The following RGP1 variants were observed in gnomAD, a reference collection of about 807,000 sequenced individuals.
RGP1 encodes the protein RAB6A-GEF complex partner protein 2.
RGP1 carries 28 observed loss-of-function variants against 44.5 expected under a neutral mutation model. The observed-to-expected ratio is 0.63, with a 90% CI of 0.47 to 0.86. RGP1 has a LOEUF of 0.86. RGP1 is among the 40% of genes least tolerant of loss of function. RGP1 has a pLI of 0.00. For synonymous variants in RGP1, 212 were observed against 196.7 expected, an observed-to-expected ratio of 1.08 and a Z score of -0.65; for missense variants, 417 against 490.7, an observed-to-expected ratio of 0.85 and a Z score of 1.42.
rs1442797166 is a variant in RGP1 at position 35,757,874 on chromosome 9, ACT to A, written c.*5003_*5004del. 20 of 152,248 alleles carry A rather than the reference ACT, an allele frequency of 1.3e-4. No individual in the cohort carries two copies. The highest frequency in any genetic ancestry group is 1.0e-3 in the Admixed American group (16 of 15,294). 9.4% of individuals were successfully genotyped at this position (152,248 alleles called of 1,614,324 possible). ...TTTTATAGTCATTTAAAATTGTATG[ACT>A]CTGTCAAATGATTTAAGTAATTTTG... On this transcript the variant is annotated 3_prime_UTR_variant, in exon 9 of 9. Transcript: ENST00000378078.
At chr9:35,777,444 G>A in the RGP1 span, among the ~76,000 whole-genome samples, 1 of 84,762 alleles carries the variant, frequency 1.2e-5, no homozygotes, top group Admixed American at 1.1e-4. Flanking sequence ...CATGTTTTGT[G>A]GTTTTTTTTT....
At position 35,750,945 on chromosome 9, in the gene RGP1, C is replaced by G. The variant is rs1006737256; in HGVS notation, c.443C>G (p.Pro148Arg). ...LTIGCQRVNS[P>R]ITLLRVPLRV... ...ATTGGCTGCCAGCGTGTCAACTCCC[C>G]TATCACTTTACTCAGAGTCCCTCTG... is the stretch of plus-strand genomic sequence containing the variant. Residue 148 changes from proline to arginine, a missense_variant, in exon 5 of 9, where the codon CCT becomes CGT. Transcript: ENST00000378078. 6.2e-7 allele frequency: 1 copy of G among 1,614,066 alleles called. No homozygotes were observed. The highest frequency in any genetic ancestry group is 8.5e-7 in the Non-Finnish European group (1 of 1,179,910).
At position 35,754,288 on chromosome 9, in the gene RGP1, G is replaced by T; in HGVS notation, c.*1414G>T. ...ATCTCCCTGCCCTCTGCTCTCACAG[G>T]CTGGGGATGTTTATAAAGTGAGGAC... On this transcript the variant is annotated 3_prime_UTR_variant, in exon 9 of 9. Transcript: ENST00000378078. 6 of 907,636 alleles carry T rather than the reference G, an allele frequency of 6.6e-6. No individual in the cohort carries two copies. The highest frequency in any genetic ancestry group is 9.5e-6 in the Non-Finnish European group (6 of 632,006). The allele number at this position is 907,636 out of a possible 1,614,324, so 56.2% of individuals were successfully genotyped here.
In RGP1 at chr9:35,751,004, C is replaced by G; in HGVS notation, c.487+15C>G. Reference sequence around the variant, plus strand: ...TGTGCTGACTGGTAAGCAAGGGCTCCTGGAGGGAAGGGCTGGGGAAGGGCG... The same window carrying G: ...TGTGCTGACTGGTAAGCAAGGGCTCGTGGAGGGAAGGGCTGGGGAAGGGCG... On this transcript the variant is annotated intron_variant, in intron 5 of 8. Transcript: ENST00000378078. The G allele has an allele frequency of 6.2e-7, 1 of 1,612,896 alleles. No homozygotes were observed. The highest frequency in any genetic ancestry group is 8.5e-7 in the Non-Finnish European group (1 of 1,179,702).
chr9:35,753,647 T>G lies in RGP1; in HGVS notation c.*773T>G, dbSNP rs770579176. On this transcript the variant is annotated 3_prime_UTR_variant, in exon 9 of 9. Coordinates refer to ENST00000378078, the MANE Select transcript of RGP1 (RefSeq NM_001080496.3). This position sits in a 1 kb window ranked among gnomAD's most constrained non-coding sequence, Gnocchi z 4.2. Reference sequence around the variant, plus strand: ...ATCAGAGTCATTCTCTCTGGCCATCTTTGGTCACTCACGTGTCACAGCAGC... The same window carrying G: ...ATCAGAGTCATTCTCTCTGGCCATCGTTGGTCACTCACGTGTCACAGCAGC... 1 of 1,606,074 alleles carries G rather than the reference T, an allele frequency of 6.2e-7. No homozygotes were observed. The highest frequency in any genetic ancestry group is 1.1e-5 in the South Asian group (1 of 90,778).
chr9:35,756,447 T>A lies in RGP1; in HGVS notation c.*3573T>A, dbSNP rs41277069. On this transcript the variant is annotated 3_prime_UTR_variant, in exon 9 of 9. Coordinates refer to ENST00000378078, the MANE Select transcript of RGP1 (RefSeq NM_001080496.3). ...AGAATGGACCTCACGTTCGCCCTAG[T>A]CAGGACTGATACCCTTTCCGTTTCA... is the stretch of plus-strand genomic sequence containing the variant. 0.029 allele frequency: 4,454 copies of A among 152,470 alleles called. 108 individuals are homozygous for A. Among genetic ancestry groups the A allele is most frequent in the Non-Finnish European group, 0.047 (3,215 of 68,148 alleles). 9.4% of individuals were successfully genotyped at this position (152,470 alleles called of 1,614,324 possible). A position where few individuals can be genotyped will look rare whatever the true frequency, so the allele number is the denominator to read the frequency against.
chr9:35,764,234 A>C, the RGP1 span, among the ~76,000 whole-genome samples: 3 of 152,228 alleles, frequency 2.0e-5, no homozygotes, highest in Non-Finnish European at 4.4e-5. Context: ...TTCAATTCTT[A>C]GCACTTGGTC....
At position 35,753,371 on chromosome 9, in the gene RGP1, C is replaced by G. The variant is rs976807271; in HGVS notation, c.*497C>G. ...GTTCCCTCTCTCACAGTTTTCCCCC[C>G]ACAGAGCCCCTTTCAGTGGCCCCTT... is the stretch of plus-strand genomic sequence containing the variant. On this transcript the variant is annotated 3_prime_UTR_variant, in exon 9 of 9. Coordinates refer to ENST00000378078, the MANE Select transcript of RGP1 (RefSeq NM_001080496.3). The surrounding 1 kb of genome is among the most constrained non-coding windows in gnomAD (Gnocchi z 4.2). The G allele has an allele frequency of 3.1e-5, 44 of 1,425,428 alleles. No individual in the cohort carries two copies. The South Asian group carries it at 3.7e-4, about 12-fold the overall frequency. 88.3% of individuals were successfully genotyped at this position (1,425,428 alleles called of 1,614,324 possible).
At chr9:35,762,925 T>C (rs1294941086), downstream of RGP1, among the ~76,000 whole-genome samples, 3 of 152,078 alleles carry the variant, frequency 2.0e-5, no homozygotes, top group African/African-American at 7.2e-5. Context: ...AAAGGGAAGC[T>C]GAGATACGGA....
the RGP1 span, among the ~76,000 whole-genome samples, chr9:35,770,495 GAGAGAGAGAGAGAGAGAGA>G: frequency 2.0e-4 from 3 of 15,360 alleles, no homozygotes; most frequent in Non-Finnish European, 5.5e-4. Context: ...TTACCATGGA[GAGAGAGAGAGAGAGAGAGA>G]GAGAGAGAGA....
rs766057008 is a variant in RGP1 at position 35,749,881 on chromosome 9, C to G, written c.116+10C>G. 6.3e-7 allele frequency: 1 copy of G among 1,591,364 alleles called. No individual in the cohort carries two copies. Among genetic ancestry groups the G allele is most frequent in the South Asian group, 1.1e-5 (1 of 90,482 alleles). On this transcript the variant is annotated intron_variant, in intron 2 of 8. Transcript: ENST00000378078. This position sits in a 1 kb window ranked among gnomAD's most constrained non-coding sequence, Gnocchi z 4.4. ...CCACTTCTGCATCCAGGTGGGGATG[C>G]TGGCACTGAAGGTGGTGGCCCTTCT...
Position 35,754,241 on chromosome 9 carries a change from C to T in RGP1, c.*1367C>T. On this transcript the variant is annotated 3_prime_UTR_variant, in exon 9 of 9. Coordinates refer to ENST00000378078, the MANE Select transcript of RGP1 (RefSeq NM_001080496.3). Reference sequence around the variant, plus strand: ...TTGAGTCTTAGTTTCTGTCTTTCTCCCCTGGGCTCCTGTCTCACACTATCT... The same window carrying T: ...TTGAGTCTTAGTTTCTGTCTTTCTCTCCTGGGCTCCTGTCTCACACTATCT... The T allele has an allele frequency of 7.3e-7, 1 of 1,367,854 alleles. No homozygotes were observed. Among genetic ancestry groups the T allele is most frequent in the Non-Finnish European group, 9.9e-7 (1 of 1,012,116 alleles). 84.7% of individuals were successfully genotyped at this position (1,367,854 alleles called of 1,614,324 possible). A position where few individuals can be genotyped will look rare whatever the true frequency, so the allele number is the denominator to read the frequency against.
chr9:35,775,274 G>C, the RGP1 span, among the ~76,000 whole-genome samples: 1 of 152,202 alleles, frequency 6.6e-6, no homozygotes, highest in Non-Finnish European at 1.5e-5. Context: ...TGAATATGGT[G>C]GAAGAGCTGA....
intron 6 of RGP1, 77 bp from the exon 7 acceptor site, chr9:35,751,550 C>A: frequency 1.2e-6 from 2 of 1,603,718 alleles, no homozygotes; most frequent in South Asian, 1.1e-5. Flanking sequence ...AAAGCCCCAT[C>A]TTTTGGCCTG....
chr9:35,749,975 C>A lies in RGP1; in HGVS notation c.116+104C>A. ...TTGTCCTGTAGCGACACCACCTCCTCTTGCTCACTGTGCTGTCATTGTAGG... is the reference window on the plus strand; with the variant it reads ...TTGTCCTGTAGCGACACCACCTCCTATTGCTCACTGTGCTGTCATTGTAGG... On this transcript the variant is annotated intron_variant, in intron 2 of 8. Transcript: ENST00000378078. The surrounding 1 kb of genome is among the most constrained non-coding windows in gnomAD (Gnocchi z 4.4). The A allele has an allele frequency of 1.1e-6, 1 of 933,342 alleles. No homozygotes were observed. The highest frequency in any genetic ancestry group is 1.5e-5 in the South Asian group (1 of 65,362). The allele number at this position is 933,342 out of a possible 1,614,324, so 57.8% of individuals were successfully genotyped here. A position where few individuals can be genotyped will look rare whatever the true frequency, so the allele number is the denominator to read the frequency against.
At position 35,751,432 on chromosome 9, in the gene RGP1, T is replaced by A. The variant is rs758119933; in HGVS notation, c.634+20T>A. 6.2e-7 allele frequency: 1 copy of A among 1,613,802 alleles called. No homozygotes were observed. The highest frequency in any genetic ancestry group is 1.1e-5 in the South Asian group (1 of 91,078). On this transcript the variant is annotated intron_variant, in intron 6 of 8. Coordinates refer to ENST00000378078, the MANE Select transcript of RGP1 (RefSeq NM_001080496.3). Reference sequence around the variant, plus strand: ...GCCTCCGTGAGAATTCTTTCAGAATTGTCCTACCCCATCCTTCCCCTCATT... The same window carrying A: ...GCCTCCGTGAGAATTCTTTCAGAATAGTCCTACCCCATCCTTCCCCTCATT...
At position 35,755,676 on chromosome 9, in the gene RGP1, T is replaced by G. The variant is rs1475700928; in HGVS notation, c.*2802T>G. ...GGTTTGCACTCCTGTGAGAATCTAA[T>G]GCCTCTGCTGATCTGCCAGGAGGAG... On this transcript the variant is annotated 3_prime_UTR_variant, in exon 9 of 9. Transcript: ENST00000378078. The G allele has an allele frequency of 6.6e-6, 1 of 152,218 alleles. No homozygotes were observed. The highest frequency in any genetic ancestry group is 1.5e-5 in the Non-Finnish European group (1 of 68,062). 9.4% of individuals were successfully genotyped at this position (152,218 alleles called of 1,614,324 possible).
At chr9:35,774,265 C>T in the RGP1 span, among the ~76,000 whole-genome samples, 1 of 152,172 alleles carries the variant, frequency 6.6e-6, no homozygotes, top group South Asian at 2.1e-4. Context: ...TGGCAGCAAA[C>T]GCCTCCCTCC....
Position 35,756,134 on chromosome 9 carries a change from A to G in RGP1, c.*3260A>G, listed in dbSNP as rs1270628612. The G allele has an allele frequency of 1.3e-5, 2 of 152,212 alleles. No homozygotes were observed. The allele number at this position is 152,212 out of a possible 1,614,324, so 9.4% of individuals were successfully genotyped here. A position where few individuals can be genotyped will look rare whatever the true frequency, so the allele number is the denominator to read the frequency against. On this transcript the variant is annotated 3_prime_UTR_variant, in exon 9 of 9. Transcript: ENST00000378078. ...CTCTTTGGCACTAAAGGCCCTGGTC[A>G]AATTGGATTTCTTTCATTTTTCCAC...
Sources: allele counts gnomAD v4.1 joint callset (sites outside exome capture counted in the v4.1 genomes callset), GRCh38; gene constraint gnomAD v4.1.1; non-coding constraint Gnocchi (gnomAD v3.1); transcripts MANE v1.5; gene names NCBI Gene and HGNC (gene_info 2026-07-23, HGNC 2026-07-21).